CUL1: variants seen among roughly 807,000 people sequenced by gnomAD.
CUL1 encodes cullin 1.
CUL1 carries 24 observed loss-of-function variants against 118.0 expected under a neutral mutation model. That is an observed-to-expected ratio of 0.20 (90% confidence interval 0.15 to 0.29). The LOEUF is 0.29. CUL1 is among the 10% of genes least tolerant of loss of function. CUL1 has a pLI of 1.00. For synonymous variants in CUL1, 332 were observed against 340.4 expected (o/e 0.98, Z 0.27); for missense variants, 361 against 933.8 (o/e 0.39, Z 7.99).
chr7:148,754,816 A>T (rs1031672388), intron 3 of CUL1, among the ~76,000 whole-genome samples: 6 of 151,458 alleles, frequency 4.0e-5, no homozygotes, highest in African/African-American at 1.5e-4. Flanking sequence ...GTGCAATCAT[A>T]GGTCATTGCA....
chr7:148,780,258 T>C lies in CUL1; in HGVS notation c.1084-3525T>C, dbSNP rs577538251. Reference sequence around the variant, plus strand: ...GAGACTGGGCTGGTCGTGCGGGGAATGGAGAGAAGAATGATGCAGAGACAC... The same window carrying C: ...GAGACTGGGCTGGTCGTGCGGGGAACGGAGAGAAGAATGATGCAGAGACAC... On this transcript the variant is annotated intron_variant, in intron 9 of 21. Coordinates refer to ENST00000325222, the MANE Select transcript of CUL1 (RefSeq NM_003592.3). 1.2e-4 allele frequency among the ~76,000 whole-genome samples: 19 copies of C among 152,188 alleles called. No homozygotes were observed. The East Asian group carries it at 2.9e-3, about 23-fold the overall frequency.
chr7:148,769,769 C>T (rs575389638), intron 9 of CUL1, among the ~76,000 whole-genome samples: 45 of 152,122 alleles, frequency 3.0e-4, no homozygotes, highest in South Asian at 1.2e-3. Context: ...GTGGTGTGTA[C>T]CTATAGTCCC....
intron 5 of CUL1, 64 bp from the exon 6 acceptor site, chr7:148,759,484 G>A: frequency 1.5e-6 from 2 of 1,349,448 alleles, no homozygotes; most frequent in Non-Finnish European, 2.1e-6. Context: ...ATGTTTAAGG[G>A]ATATGTAGTA....
At chr7:148,768,848 G>A (rs1206168581) in intron 9 of CUL1, among the ~76,000 whole-genome samples, 1 of 151,942 alleles carries the variant, frequency 6.6e-6, no homozygotes, top group African/African-American at 2.4e-5. Context: ...TCTTTTCCGT[G>A]TTTAATTTTG....
chr7:148,757,203 T>A (rs2129460452), intron 4 of CUL1, 53 bp downstream of exon 4: 3 of 1,224,256 alleles, frequency 2.5e-6, no homozygotes, highest in Middle Eastern at 2.2e-4. Context: ...TTGTTTTTTT[T>A]AATGGCAAAT....
intron 9 of CUL1, among the ~76,000 whole-genome samples, chr7:148,777,284 A>AG (rs1268440247): frequency 9.2e-5 from 14 of 152,234 alleles, no homozygotes; most frequent in African/African-American, 3.1e-4. Flanking sequence ...TTGTGGTCTG[A>AG]GGTGCAGAGC....
intron 17 of CUL1, among the ~76,000 whole-genome samples, chr7:148,794,801 A>T (rs1801130819): frequency 1.3e-5 from 2 of 152,010 alleles, no homozygotes; most frequent in Non-Finnish European, 2.9e-5. Flanking sequence ...TTCCTAGTTT[A>T]TTCTTTTTGA....
intron 14 of CUL1, among the ~76,000 whole-genome samples, chr7:148,788,933 G>A (rs1023962701): frequency 6.6e-5 from 10 of 152,316 alleles, no homozygotes; most frequent in African/African-American, 1.9e-4. Flanking sequence ...ACTCACAGGC[G>A]TGGTTTTGTC....
intron 1 of CUL1, among the ~76,000 whole-genome samples, chr7:148,727,271 A>T (rs1798617516): frequency 6.6e-6 from 1 of 152,256 alleles, no homozygotes; most frequent in Non-Finnish European, 1.5e-5. Flanking sequence ...ACAGCAAGAC[A>T]TAAATTTTAG....
chr7:148,778,215 A>G lies in CUL1; in HGVS notation c.1084-5568A>G, dbSNP rs1186091102. Among the ~76,000 whole-genome samples the G allele has an allele frequency of 3.3e-5, 5 of 151,996 alleles. 1 individual carries two copies. The highest frequency in any genetic ancestry group is 1.2e-4 in the African/African-American group (5 of 41,390). On this transcript the variant is annotated intron_variant, in intron 9 of 21. Coordinates refer to ENST00000325222, the MANE Select transcript of CUL1 (RefSeq NM_003592.3). ...GAACTGTTGGTTTCTGCTTATTGAA[A>G]GAGGTGAGATGATACAGTAGAAAAG... is the stretch of plus-strand genomic sequence containing the variant.
At chr7:148,793,646 G>C (rs780351624) in intron 17 of CUL1, among the ~76,000 whole-genome samples, 4 of 152,178 alleles carry the variant, frequency 2.6e-5, no homozygotes, top group Non-Finnish European at 4.4e-5. Context: ...TTTTGTGGTC[G>C]AATAATCCAA....
chr7:148,720,863 C>T (rs931972637), intron 1 of CUL1, among the ~76,000 whole-genome samples: 6 of 152,206 alleles, frequency 3.9e-5, no homozygotes, highest in Admixed American at 3.9e-4. Flanking sequence ...AAATTATTAA[C>T]TTGAAACTGT....
At chr7:148,790,774 G>C (rs1189326957) in intron 16 of CUL1, among the ~76,000 whole-genome samples, 2 of 152,182 alleles carry the variant, frequency 1.3e-5, no homozygotes, top group East Asian at 3.8e-4. Flanking sequence ...CAGCTGTTCA[G>C]GTAGTGACTT....
intron 2 of CUL1, among the ~76,000 whole-genome samples, chr7:148,748,448 T>A (rs1369959518): frequency 6.6e-6 from 1 of 152,244 alleles, no homozygotes; most frequent in Non-Finnish European, 1.5e-5. Flanking sequence ...GGTTACTTCC[T>A]AATCATAAAA....
intron 9 of CUL1, among the ~76,000 whole-genome samples, chr7:148,769,433 A>T (rs1800130695): frequency 6.6e-6 from 1 of 151,044 alleles, no homozygotes; most frequent in Admixed American, 6.6e-5. Flanking sequence ...ACACACACAC[A>T]CACACACACA....
At chr7:148,789,690 G>T in intron 14 of CUL1, 60 bp from the exon 15 acceptor site, 1 of 1,369,076 alleles carries the variant, frequency 7.3e-7, no homozygotes, top group South Asian at 1.2e-5. Context: ...GAATTTTTCA[G>T]TTTATAAACT....
In CUL1 at chr7:148,800,634, A is replaced by G. The variant is rs1210094172; in HGVS notation, c.*52A>G. 5 of 1,432,736 alleles carry G rather than the reference A, an allele frequency of 3.5e-6. No homozygotes were observed. The South Asian group carries it at 5.9e-5, about 17-fold the overall frequency. 88.8% of individuals were successfully genotyped at this position (1,432,736 alleles called of 1,614,324 possible). ...ACCCGCAGCAAATAGTTCATGTTGG[A>G]AAGAATGAAAACAACTCAAGTTCAT... On this transcript the variant is annotated 3_prime_UTR_variant, in exon 22 of 22. Transcript: ENST00000325222. This position sits in a 1 kb window ranked among gnomAD's most constrained non-coding sequence, Gnocchi z 4.6.
chr7:148,700,413 T>C (rs1797686877), intron 1 of CUL1, among the ~76,000 whole-genome samples: 2 of 152,222 alleles, frequency 1.3e-5, no homozygotes, highest in Admixed American at 1.3e-4. Context: ...GTACCCGATT[T>C]TCTGAAATCC....
At chr7:148,770,280 A>T (rs1266055314) in intron 9 of CUL1, among the ~76,000 whole-genome samples, 2 of 152,254 alleles carry the variant, frequency 1.3e-5, no homozygotes, top group Non-Finnish European at 2.9e-5. Flanking sequence ...AATCTAAGCC[A>T]CTGATTAACC....
Sources: gnomAD v4.1 joint callset for allele counts (sites outside exome capture counted in the v4.1 genomes callset) on GRCh38, gnomAD v4.1.1 for gene constraint, Gnocchi (gnomAD v3.1) non-coding constraint, MANE v1.5 for transcripts, NCBI Gene and HGNC (gene_info 2026-07-23, HGNC 2026-07-21) for gene names.